The following NBDY variants were observed in gnomAD, a reference collection of about 807,000 sequenced individuals.
The protein encoded by NBDY is P-body dissociating protein.
At chrX:56,795,151 C>T (rs1480692955) in intron 2 of NBDY, among the ~76,000 whole-genome samples, 1 of 112,218 alleles carries the variant, frequency 8.9e-6, no homozygotes, top group Non-Finnish European at 1.9e-5. Context: ...AGCTCGCTTT[C>T]ACCTGGGCCT....
At chrX:56,766,288 T>C (rs1392375259) in intron 2 of NBDY, among the ~76,000 whole-genome samples, 3 of 111,422 alleles carry the variant, frequency 2.7e-5, no homozygotes, top group Admixed American at 1.9e-4. Flanking sequence ...TGCTCACATT[T>C]CAGTGTGTGC....
intron 2 of NBDY, among the ~76,000 whole-genome samples, chrX:56,792,268 G>C (rs1303657181): frequency 9.0e-6 from 1 of 111,212 alleles, no homozygotes; most frequent in Non-Finnish European, 1.9e-5. Context: ...TACCTCATGG[G>C]TTGCCATTAT....
chrX:56,759,765 C>T (rs969497413), intron 2 of NBDY, among the ~76,000 whole-genome samples: 9 of 111,739 alleles, frequency 8.1e-5, no homozygotes, highest in African/African-American at 2.3e-4. Flanking sequence ...CCCAGGATGG[C>T]GCCTTGGCTC....
At chrX:56,794,809 G>C (rs1295815513) in intron 2 of NBDY, among the ~76,000 whole-genome samples, 1 of 112,386 alleles carries the variant, frequency 8.9e-6, no homozygotes, top group East Asian at 2.8e-4. Context: ...CTTGCTGAAA[G>C]GTTAAAAGCT....
chrX:56,803,749 C>T (rs1312999321), intron 2 of NBDY, among the ~76,000 whole-genome samples: 2 of 112,101 alleles, frequency 1.8e-5, no homozygotes, highest in Non-Finnish European at 3.8e-5. Flanking sequence ...AGTGTGGCTC[C>T]AGAAATGGCA....
intron 2 of NBDY, among the ~76,000 whole-genome samples, chrX:56,762,153 C>T (rs911418560): frequency 1.8e-5 from 2 of 111,539 alleles, no homozygotes; most frequent in African/African-American, 3.3e-5. Flanking sequence ...TATGTCACCA[C>T]GCATTGAGGC....
At chrX:56,787,399 C>T (rs906873642) in intron 2 of NBDY, among the ~76,000 whole-genome samples, 14 of 111,431 alleles carry the variant, frequency 1.3e-4, no homozygotes, top group African/African-American at 3.3e-4. Flanking sequence ...CACACCACCA[C>T]AGGCCTGAAG....
chrX:56,814,126 A>G (rs370193257), intron 2 of NBDY, among the ~76,000 whole-genome samples: 3 of 109,141 alleles, frequency 2.7e-5, no homozygotes, highest in African/African-American at 1.0e-4. Context: ...CTTTCTATCA[A>G]TTTTTCTGGA....
chrX:56,818,034 G>A lies in NBDY; in HGVS notation c.*881G>A, dbSNP rs1310607636. 1 of 111,130 alleles carries A rather than the reference G, an allele frequency of 9.0e-6. No individual in the cohort carries two copies. Among genetic ancestry groups the A allele is most frequent in the Non-Finnish European group, 1.9e-5 (1 of 52,963 alleles). The allele number at this position is 111,130 out of a possible 1,213,427, so 9.2% of individuals were successfully genotyped here. ...TAAAATGGGAAAACATTAGATAGCAGCTTTCAATATTTCATATAGTTCATA... is the reference window on the plus strand; with the variant it reads ...TAAAATGGGAAAACATTAGATAGCAACTTTCAATATTTCATATAGTTCATA... On this transcript the variant is annotated 3_prime_UTR_variant, in exon 3 of 3. Transcript: ENST00000374922.
At position 56,818,385 on chromosome X, in the gene NBDY, G is replaced by A. The variant is rs1387095410; in HGVS notation, c.*1232G>A. 3.6e-5 allele frequency: 4 copies of A among 111,619 alleles called. No homozygotes were observed. Among genetic ancestry groups the A allele is most frequent in the African/African-American group, 1.3e-4 (4 of 30,821 alleles). 9.2% of individuals were successfully genotyped at this position (111,619 alleles called of 1,213,427 possible). A position where few individuals can be genotyped will look rare whatever the true frequency, so the allele number is the denominator to read the frequency against. ...AAGAATCTGAAAAATCACAAATGGA[G>A]GTATGGTGACATTTATGTATATTCT... On this transcript the variant is annotated 3_prime_UTR_variant, in exon 3 of 3. Coordinates refer to ENST00000374922, the MANE Select transcript of NBDY (RefSeq NM_001348129.2).
At chrX:56,764,520 G>C (rs1299221127) in intron 2 of NBDY, among the ~76,000 whole-genome samples, 1 of 110,111 alleles carries the variant, frequency 9.1e-6, no homozygotes. Context: ...CTTAGACATA[G>C]TCTAAGCACA....
intron 2 of NBDY, among the ~76,000 whole-genome samples, chrX:56,812,770 C>A (rs769130102): frequency 9.0e-6 from 1 of 111,650 alleles, no homozygotes; most frequent in Admixed American, 9.5e-5. Flanking sequence ...CACGAAGCTG[C>A]CACTTGTTGT....
At chrX:56,764,211 G>A (rs754237903) in intron 2 of NBDY, among the ~76,000 whole-genome samples, 2 of 112,516 alleles carry the variant, frequency 1.8e-5, no homozygotes, top group Non-Finnish European at 3.8e-5. Flanking sequence ...CCAGTATCCC[G>A]AAGCTCCTTT....
At chrX:56,766,029 T>G (rs1421956016) in intron 2 of NBDY, among the ~76,000 whole-genome samples, 1 of 111,738 alleles carries the variant, frequency 8.9e-6, no homozygotes, top group African/African-American at 3.3e-5. Context: ...GTTTAGTCCC[T>G]CTGGTCCACC....
chrX:56,738,965 A>G (rs1385302899), intron 2 of NBDY, among the ~76,000 whole-genome samples: 1 of 109,480 alleles, frequency 9.1e-6, no homozygotes. Context: ...TTCTCTGTGC[A>G]GCATTCCTTC....
intron 2 of NBDY, among the ~76,000 whole-genome samples, chrX:56,813,509 C>A (rs1441339178): frequency 9.0e-6 from 1 of 111,089 alleles, no homozygotes; most frequent in Admixed American, 9.6e-5. Flanking sequence ...AGGGACTCCA[C>A]ACCCCAAAAC....
intron 2 of NBDY, chrX:56,737,615 C>T (rs746875473): frequency 6.7e-6 from 3 of 446,391 alleles, no homozygotes; most frequent in East Asian, 4.0e-5. Flanking sequence ...CTTCTTATAA[C>T]AAGATACAAA....
intron 2 of NBDY, among the ~76,000 whole-genome samples, chrX:56,813,786 C>T (rs778109364): frequency 9.0e-6 from 1 of 111,145 alleles, no homozygotes; most frequent in African/African-American, 3.3e-5. Context: ...TCAGATAGGC[C>T]CCAGCAGTTG....
chrX:56,791,850 C>G (rs2069765718), intron 2 of NBDY, among the ~76,000 whole-genome samples: 2 of 109,847 alleles, frequency 1.8e-5, no homozygotes, highest in African/African-American at 6.6e-5. Context: ...CCATCTTCTT[C>G]TACTCCTATT....
Sources: allele counts gnomAD v4.1 joint callset (sites outside exome capture counted in the v4.1 genomes callset), GRCh38; gene constraint gnomAD v4.1.1; transcripts MANE v1.5; gene names NCBI Gene and HGNC (gene_info 2026-07-23, HGNC 2026-07-21).